The following KIAA0930 variants were observed in gnomAD, a reference collection of about 807,000 sequenced individuals.
KIAA0930 encodes the protein KIAA0930.
Under a neutral mutation model 43.9 loss-of-function variants are expected in KIAA0930, and 24 were observed. That is an observed-to-expected ratio of 0.55 (90% CI 0.40 to 0.77). The LOEUF (loss-of-function observed/expected upper bound fraction) is 0.77. Ranked by LOEUF, KIAA0930 falls within the 30% of genes least tolerant of loss-of-function variation. The pLI, the probability that KIAA0930 is intolerant of heterozygous loss-of-function variation, is 0.00. For missense variants in KIAA0930, 461 were observed against 574.2 expected, an observed-to-expected ratio of 0.80 and a Z score of 2.02; for synonymous variants, 259 against 216.4, an observed-to-expected ratio of 1.20 and a Z score of -1.73.
Position 45,195,783 on chromosome 22 carries a change from A to C in KIAA0930, c.*1393T>G, listed in dbSNP as rs1370601903. The C allele has an allele frequency of 3.9e-5, 6 of 152,654 alleles. No individual in the cohort carries two copies. The highest frequency in any genetic ancestry group is 7.3e-5 in the Non-Finnish European group (5 of 68,080). The allele number at this position is 152,654 out of a possible 1,614,324, so 9.5% of individuals were successfully genotyped here. Reference sequence around the variant, plus strand: ...TTGAACCCTGGGACTTCAGTGAGGTAGGTGGTATCAGCCCCATTTCACAGG... The same window carrying C: ...TTGAACCCTGGGACTTCAGTGAGGTCGGTGGTATCAGCCCCATTTCACAGG... On this transcript the variant is annotated 3_prime_UTR_variant, in exon 10 of 10. Coordinates refer to ENST00000336156, the MANE Select transcript of KIAA0930 (RefSeq NM_001009880.2).
At chr22:45,212,394 G>A in intron 1 of KIAA0930, 1 of 1,573,766 alleles carries the variant, frequency 6.4e-7, no homozygotes, top group South Asian at 1.1e-5. Context: ...TGAATCAGCA[G>A]CTTCGGAGGA....
chr22:45,219,817 C>G (rs1348179700), intron 1 of KIAA0930, among the ~76,000 whole-genome samples: 1 of 151,974 alleles, frequency 6.6e-6, no homozygotes, highest in Non-Finnish European at 1.5e-5. Context: ...TCTTGAGTGC[C>G]TGAGCTCAAG....
At position 45,193,755 on chromosome 22, in the gene KIAA0930, C is replaced by T. The variant is rs559517219; in HGVS notation, c.*3421G>A. ...AATAATCTTCTTTTGAAATAATAAG[C>T]CTTAGCTGGCTTTGCAGGCAACTAG... On this transcript the variant is annotated 3_prime_UTR_variant, in exon 10 of 10. Coordinates refer to ENST00000336156, the MANE Select transcript of KIAA0930 (RefSeq NM_001009880.2). 6.6e-6 allele frequency: 1 copy of T among 152,168 alleles called. No individual in the cohort carries two copies. Among genetic ancestry groups the T allele is most frequent in the Non-Finnish European group, 1.5e-5 (1 of 68,024 alleles). 9.4% of individuals were successfully genotyped at this position (152,168 alleles called of 1,614,324 possible).
At chr22:45,238,023 C>T (rs1018735635) in intron 1 of KIAA0930, among the ~76,000 whole-genome samples, 1 of 152,012 alleles carries the variant, frequency 6.6e-6, no homozygotes, top group Non-Finnish European at 1.5e-5. Context: ...CGGGTTCACA[C>T]CATTCTCTTG....
Position 45,196,828 on chromosome 22 carries a change from C to A in KIAA0930, c.*348G>T, listed in dbSNP as rs1021073584. 2.9e-5 allele frequency: 8 copies of A among 277,620 alleles called. No homozygotes were observed. The highest frequency in any genetic ancestry group is 5.4e-5 in the Admixed American group (1 of 18,404). 17.2% of individuals were successfully genotyped at this position (277,620 alleles called of 1,614,324 possible). A position where few individuals can be genotyped will look rare whatever the true frequency, so the allele number is the denominator to read the frequency against. On this transcript the variant is annotated 3_prime_UTR_variant, in exon 10 of 10. Transcript: ENST00000336156. The surrounding 1 kb of genome is among the most constrained non-coding windows in gnomAD (Gnocchi z 4.1). Reference sequence around the variant, plus strand: ...GCTGCTGGGGGGACGTGAACATAGACCCGCCGCTCTGGCCCCGCTCTGGGC... The same window carrying A: ...GCTGCTGGGGGGACGTGAACATAGAACCGCCGCTCTGGCCCCGCTCTGGGC...
rs2083532209 is a variant in KIAA0930, at chr22:45,195,941, C to T, written c.*1235G>A. The T allele has an allele frequency of 6.6e-6, 1 of 152,278 alleles. No homozygotes were observed. Among genetic ancestry groups the T allele is most frequent in the African/African-American group, 2.4e-5 (1 of 41,458 alleles). 9.4% of individuals were successfully genotyped at this position (152,278 alleles called of 1,614,324 possible). ...AAACAGATGGGAGAACAAGACCCTCCTCTTCCTTTTCCCCCACAGAGAAGA... is the reference window on the plus strand; with the variant it reads ...AAACAGATGGGAGAACAAGACCCTCTTCTTCCTTTTCCCCCACAGAGAAGA... On this transcript the variant is annotated 3_prime_UTR_variant, in exon 10 of 10. Coordinates refer to ENST00000336156, the MANE Select transcript of KIAA0930 (RefSeq NM_001009880.2).
chr22:45,197,989 G>C (rs2083552817), intron 8 of KIAA0930, 41 bp from the exon 9 acceptor site: 2 of 1,604,870 alleles, frequency 1.2e-6, no homozygotes, highest in Middle Eastern at 1.7e-4. Flanking sequence ...CACAGCATGG[G>C]ACGCGGCGGG....
At position 45,205,867 on chromosome 22, in the gene KIAA0930, T is replaced by G; in HGVS notation, c.262A>C (p.Lys88Gln). 6.2e-6 allele frequency: 10 copies of G among 1,612,586 alleles called. No homozygotes were observed. The highest frequency in any genetic ancestry group is 8.5e-6 in the Non-Finnish European group (10 of 1,179,546). The change falls in exon 3 of 10, where the codon AAG becomes CAG. Residue 88 changes from lysine to glutamine, a missense_variant. Coordinates refer to ENST00000336156, the MANE Select transcript of KIAA0930 (RefSeq NM_001009880.2). ...GGGTCTCCCAGGCCTGGCAGCTTCT[T>G]GGAGTCCCGCCGGTACACCTCCACC... ...VEVEVYRRDS[K>Q]KLPGLGDPDI...
rs760017472 is a variant in KIAA0930 at position 45,205,323 on chromosome 22, A to C, written c.415-5T>G. On this transcript the variant is annotated splice_region_variant and splice_polypyrimidine_tract_variant and intron_variant, in intron 4 of 9. Transcript: ENST00000336156. ...ACTGGGGGACGCGAACACTTGCTGG[A>C]AGAAAGCAGATTTGGAGGACAAGTG... 6.2e-7 allele frequency: 1 copy of C among 1,612,998 alleles called. No individual in the cohort carries two copies. Among genetic ancestry groups the C allele is most frequent in the Non-Finnish European group, 8.5e-7 (1 of 1,179,030 alleles).
intron 1 of KIAA0930, among the ~76,000 whole-genome samples, chr22:45,228,162 A>G (rs2083814448): frequency 6.6e-6 from 1 of 152,068 alleles, no homozygotes; most frequent in Admixed American, 6.6e-5. Context: ...GTGGGGCCAG[A>G]GTGGGGTGTG....
intron 8 of KIAA0930, among the ~76,000 whole-genome samples, chr22:45,199,563 T>C (rs1356606032): frequency 6.6e-6 from 1 of 152,166 alleles, no homozygotes; most frequent in Non-Finnish European, 1.5e-5. Flanking sequence ...GCTTTCTTCC[T>C]TAAGCAGGCT....
chr22:45,218,389 G>T (rs1368005694), intron 1 of KIAA0930, among the ~76,000 whole-genome samples: 1 of 121,508 alleles, frequency 8.2e-6, no homozygotes, highest in Non-Finnish European at 1.6e-5. Context: ...TCACCATGTT[G>T]GCCAGGCTGG....
At chr22:45,206,762 C>T (rs1490614105) in intron 2 of KIAA0930, among the ~76,000 whole-genome samples, 1 of 150,850 alleles carries the variant, frequency 6.6e-6, no homozygotes, top group Admixed American at 6.6e-5. Context: ...CAGTGCAACA[C>T]ATCTTGGCTC....
In KIAA0930 at chr22:45,240,660, C is replaced by G; in HGVS notation, c.44G>C (p.Arg15Pro). ...CTCACCGAGGCCGCAGACCTCGCGGCGCAGGCTAAGACGGCCGCGCTCCTC... is the reference window on the plus strand; with the variant it reads ...CTCACCGAGGCCGCAGACCTCGCGGGGCAGGCTAAGACGGCCGCGCTCCTC... ...IAEERGRLSL[R>P]REVCGLGCFK... is the part of the protein sequence containing the mutation. Residue 15 changes from arginine to proline, a missense_variant, in exon 1 of 10, where the codon CGC becomes CCC. Physicochemically the swap from Arg to Pro is moderately radical, Grantham distance 103. Transcript: ENST00000336156. 1 of 1,527,918 alleles carries G rather than the reference C, an allele frequency of 6.5e-7. No individual in the cohort carries two copies. Among genetic ancestry groups the G allele is most frequent in the South Asian group, 1.2e-5 (1 of 83,660 alleles). 94.6% of individuals were successfully genotyped at this position (1,527,918 alleles called of 1,614,324 possible). A position where few individuals can be genotyped will look rare whatever the true frequency, so the allele number is the denominator to read the frequency against.
chr22:45,212,236 AC>A, intron 1 of KIAA0930, 129 bp from the exon 2 acceptor site: 1 of 1,612,280 alleles, frequency 6.2e-7, no homozygotes, highest in South Asian at 1.1e-5. Flanking sequence ...GAGATGCGCC[AC>A]CCTTCCCTCA....
Position 45,200,045 on chromosome 22 carries a change from A to G in KIAA0930, c.853-10T>C. 6.3e-7 allele frequency: 1 copy of G among 1,584,830 alleles called. No individual in the cohort carries two copies. Among genetic ancestry groups the G allele is most frequent in the Non-Finnish European group, 8.6e-7 (1 of 1,165,926 alleles). ...TGCTGAAGGAGGTCACCTGGGAACA[A>G]GCAGCCAAAGTCACCAGAGTAGCAG... On this transcript the variant is annotated splice_polypyrimidine_tract_variant and intron_variant, in intron 7 of 9. Coordinates refer to ENST00000336156, the MANE Select transcript of KIAA0930 (RefSeq NM_001009880.2).
At chr22:45,218,864 G>C (rs1041540095) in intron 1 of KIAA0930, among the ~76,000 whole-genome samples, 2 of 152,090 alleles carry the variant, frequency 1.3e-5, no homozygotes, top group Non-Finnish European at 2.9e-5. Flanking sequence ...GGCTCACAGG[G>C]GCCACTCTGA....
rs1262481091 is a variant in KIAA0930 at position 45,194,210 on chromosome 22, G to C, written c.*2966C>G. The C allele has an allele frequency of 6.6e-6, 1 of 151,780 alleles. No homozygotes were observed. The highest frequency in any genetic ancestry group is 1.5e-5 in the Non-Finnish European group (1 of 68,026). The allele number at this position is 151,780 out of a possible 1,614,324, so 9.4% of individuals were successfully genotyped here. On this transcript the variant is annotated 3_prime_UTR_variant, in exon 10 of 10. Coordinates refer to ENST00000336156, the MANE Select transcript of KIAA0930 (RefSeq NM_001009880.2). ...CTTCCTCAGCCTTCCGAGTAGCTGG[G>C]ATTACAGGTGCCTGCCACCATGTCC...
chr22:45,213,962 G>T (rs1449635665), intron 1 of KIAA0930, among the ~76,000 whole-genome samples: 3 of 151,988 alleles, frequency 2.0e-5, no homozygotes, highest in Non-Finnish European at 2.9e-5. Context: ...AGTGAGCCGA[G>T]ATCGCACCAT....
Sources: allele counts gnomAD v4.1 joint callset (sites outside exome capture counted in the v4.1 genomes callset), GRCh38; gene constraint gnomAD v4.1.1; non-coding constraint Gnocchi (gnomAD v3.1); transcripts MANE v1.5; gene names NCBI Gene and HGNC (gene_info 2026-07-23, HGNC 2026-07-21).